SAMD12: variants seen among roughly 807,000 people sequenced by gnomAD.
SAMD12 encodes sterile alpha motif domain-containing protein 12.
In SAMD12, 9 loss-of-function variants were observed where a neutral mutation model predicts 15.0. The ratio of observed to expected loss-of-function variants is 0.60; its 90% CI spans 0.36 to 1.05. The LOEUF is 1.05. SAMD12 is among the 50% of genes least tolerant of loss of function. The pLI is 0.01. For synonymous variants in SAMD12, 86 were observed against 90.1 expected (o/e 0.96, Z 0.25); for missense variants, 230 against 234.2 (o/e 0.98, Z 0.12).
intron 3 of SAMD12, among the ~76,000 whole-genome samples, chr8:118,386,093 T>C (rs1819941152): frequency 6.6e-6 from 1 of 152,174 alleles, no homozygotes; most frequent in African/African-American, 2.4e-5. Context: ...CACAGAGCAG[T>C]TTATTCATTT....
At chr8:118,299,914 C>T (rs1243357447) in intron 4 of SAMD12, among the ~76,000 whole-genome samples, 1 of 152,078 alleles carries the variant, frequency 6.6e-6, no homozygotes, top group Non-Finnish European at 1.5e-5. Context: ...TTCCTCAAAG[C>T]TGGGCATGGT....
chr8:118,305,205 C>T (rs1185786164), intron 4 of SAMD12, among the ~76,000 whole-genome samples: 2 of 138,920 alleles, frequency 1.4e-5, no homozygotes, highest in Non-Finnish European at 3.1e-5. Flanking sequence ...AGTACGTTCA[C>T]AGTGTTGTGC....
At chr8:118,402,152 C>A (rs1820900184) in intron 3 of SAMD12, among the ~76,000 whole-genome samples, 1 of 151,804 alleles carries the variant, frequency 6.6e-6, no homozygotes. Context: ...AATCACACAC[C>A]ACAAAAGGAA....
the SAMD12 span, among the ~76,000 whole-genome samples, chr8:118,183,531 G>A: frequency 6.7e-6 from 1 of 150,044 alleles, no homozygotes; most frequent in Non-Finnish European, 1.5e-5. Context: ...CTCAATACAT[G>A]GATATACAGT....
intron 2 of SAMD12, among the ~76,000 whole-genome samples, chr8:118,476,279 G>A (rs184082535): frequency 1.3e-5 from 2 of 152,270 alleles, no homozygotes; most frequent in Admixed American, 6.5e-5. Flanking sequence ...GGTAAACTGA[G>A]CCAGTTCTCA....
At position 118,313,787 on chromosome 8, in the gene SAMD12, A is replaced by G. The variant is rs145670235; in HGVS notation, c.433+65773T>C. ...TATTTACCCTGGTTTCTATGATTTA[A>G]TGGAAAGAAAAAACGCTGAAATGCA... On this transcript the variant is annotated intron_variant, in intron 4 of 4. Transcript: ENST00000409003. Among the ~76,000 whole-genome samples the G allele has an allele frequency of 4.9e-3, 743 of 152,094 alleles. 9 individuals carry two copies. The highest frequency in any genetic ancestry group is 0.017 in the African/African-American group (716 of 41,496).
At chr8:118,472,532 G>A (rs1203089378) in intron 2 of SAMD12, among the ~76,000 whole-genome samples, 3 of 151,922 alleles carry the variant, frequency 2.0e-5, no homozygotes, top group Admixed American at 2.0e-4. Flanking sequence ...AAAAATAGCC[G>A]GGCATGGCAG....
chr8:118,298,548 T>C lies in SAMD12; in HGVS notation c.433+81012A>G, dbSNP rs545166295. Among the ~76,000 whole-genome samples, 4 of 152,340 alleles carry C rather than the reference T, an allele frequency of 2.6e-5. No individual in the cohort carries two copies. In the South Asian group the frequency reaches 8.3e-4, roughly 32 times the overall value. ...CATTACTAATTATTTTAGCTACTTC[T>C]TGCAGCATTTACACTTTTTAAATAC... On this transcript the variant is annotated intron_variant, in intron 4 of 4. Transcript: ENST00000409003.
chr8:118,268,399 T>C (rs1008909871), intron 4 of SAMD12, among the ~76,000 whole-genome samples: 1 of 152,220 alleles, frequency 6.6e-6, no homozygotes, highest in African/African-American at 2.4e-5. Context: ...CTTTCCTGCA[T>C]GACTATTGTT....
At chr8:118,411,828 A>G (rs539237149) in intron 3 of SAMD12, among the ~76,000 whole-genome samples, 1 of 152,300 alleles carries the variant, frequency 6.6e-6, no homozygotes, top group South Asian at 2.1e-4. Context: ...CTCAGCTATA[A>G]ACAGAGGCTA....
At chr8:118,202,745 C>T (rs2514949) in intron 4 of SAMD12, among the ~76,000 whole-genome samples, 78,058 of 151,984 alleles carry the variant, frequency 0.51, 21,567 homozygotes, top group Non-Finnish European at 0.62. Flanking sequence ...ATATCTTCTA[C>T]CTGAAAGTGT....
intron 4 of SAMD12, among the ~76,000 whole-genome samples, chr8:118,265,765 T>C (rs1813181530): frequency 6.6e-6 from 1 of 151,802 alleles, no homozygotes; most frequent in Non-Finnish European, 1.5e-5. Context: ...GTGATTCTCT[T>C]AAAGTATATG....
At chr8:118,444,250 A>G (rs998003071) in intron 2 of SAMD12, among the ~76,000 whole-genome samples, 6 of 152,194 alleles carry the variant, frequency 3.9e-5, no homozygotes, top group South Asian at 2.1e-4. Flanking sequence ...CTTTTTCTCA[A>G]TGTTCATGTC....
At chr8:118,318,675 A>C (rs1171538831) in intron 4 of SAMD12, among the ~76,000 whole-genome samples, 1 of 152,054 alleles carries the variant, frequency 6.6e-6, no homozygotes, top group Non-Finnish European at 1.5e-5. Flanking sequence ...TAAGTCATCC[A>C]TGTAACCAAA....
intron 2 of SAMD12, among the ~76,000 whole-genome samples, chr8:118,499,315 C>A (rs73708804): frequency 0.056 from 8,548 of 152,174 alleles, 748 homozygotes; most frequent in African/African-American, 0.19. Context: ...CAGTCTTCTA[C>A]AGGCACAGAG....
At chr8:118,462,530 G>T (rs955969513) in intron 2 of SAMD12, among the ~76,000 whole-genome samples, 3 of 152,116 alleles carry the variant, frequency 2.0e-5, no homozygotes, top group Admixed American at 2.0e-4. Flanking sequence ...CAGAATGTTT[G>T]TGTGTTTGTT....
At chr8:118,153,945 A>G in the SAMD12 span, among the ~76,000 whole-genome samples, 2 of 151,940 alleles carry the variant, frequency 1.3e-5, no homozygotes, top group Non-Finnish European at 2.9e-5. Context: ...TTTCTCTCCC[A>G]GTGTCTCCAC....
Position 118,580,683 on chromosome 8 carries a change from AAATCTCCGTAATTAACTGG to A in SAMD12, c.192+13_192+31del. The A allele has an allele frequency of 6.4e-7, 1 of 1,560,316 alleles. No individual in the cohort carries two copies. Among genetic ancestry groups the A allele is most frequent in the Non-Finnish European group, 8.8e-7 (1 of 1,136,992 alleles). The stretch of plus-strand genomic sequence containing the variant: ...ACAACATATAAAGGCTGCAGCTTTC[AAATCTCCGTAATTAACTGG>A]AATATTACGCACCTTAGCCGTCTCA... On this transcript the variant is annotated intron_variant, in intron 2 of 3. Transcript: ENST00000314727.
intron 3 of SAMD12, among the ~76,000 whole-genome samples, chr8:118,400,068 TCA>T (rs1393855269): frequency 6.6e-6 from 1 of 152,230 alleles, no homozygotes; most frequent in Non-Finnish European, 1.5e-5. Flanking sequence ...CACTATATAA[TCA>T]CAGTGCATGA....
Sources: allele counts gnomAD v4.1 joint callset (sites outside exome capture counted in the v4.1 genomes callset), GRCh38; gene constraint gnomAD v4.1.1; transcripts MANE v1.5; gene names NCBI Gene and HGNC (gene_info 2026-07-23, HGNC 2026-07-21).